CELF2: variants seen among roughly 807,000 people sequenced by gnomAD.
CELF2 encodes CUGBP Elav-like family member 2.
Under a neutral mutation model 62.6 loss-of-function variants are expected in CELF2, and 8 were observed. That is an observed-to-expected ratio of 0.13 (90% CI 0.07 to 0.23). The LOEUF (loss-of-function observed/expected upper bound fraction) is 0.23. Among genes scored for constraint, CELF2 ranks in the 10% least tolerant of loss-of-function variants. CELF2 has a pLI of 1.00. For missense variants in CELF2, 333 were observed against 671.0 expected, an observed-to-expected ratio of 0.50 and a Z score of 5.56; for synonymous variants, 258 against 250.0, an observed-to-expected ratio of 1.03 and a Z score of -0.30.
chr10:10,630,191 G>T, the CELF2 span, among the ~76,000 whole-genome samples: 4 of 152,118 alleles, frequency 2.6e-5, no homozygotes, highest in African/African-American at 4.8e-5. Context: ...GTGTGGCTTT[G>T]TCTGGGGGAA....
chr10:10,809,569 G>A (rs1414474617), intron 1 of CELF2, among the ~76,000 whole-genome samples: 4 of 152,028 alleles, frequency 2.6e-5, no homozygotes, highest in African/African-American at 7.2e-5. Flanking sequence ...TATACCATAC[G>A]ACAATAAGTC....
the CELF2 span, among the ~76,000 whole-genome samples, chr10:10,558,753 T>G: frequency 6.6e-6 from 1 of 152,198 alleles, no homozygotes; most frequent in Non-Finnish European, 1.5e-5. Context: ...TTCTTCGTGG[T>G]TTAGTCTTGG....
chr10:10,697,277 T>G, the CELF2 span, among the ~76,000 whole-genome samples: 1 of 152,130 alleles, frequency 6.6e-6, no homozygotes, highest in East Asian at 1.9e-4. Flanking sequence ...GCAGGATGTT[T>G]GCAATGGGAC....
chr10:10,679,969 A>G, the CELF2 span, among the ~76,000 whole-genome samples: 1 of 152,184 alleles, frequency 6.6e-6, no homozygotes, highest in African/African-American at 2.4e-5. Flanking sequence ...AAATACTGAG[A>G]TATTATAAAT....
chr10:10,788,504 C>G, the CELF2 span, among the ~76,000 whole-genome samples: 163 of 132,786 alleles, frequency 1.2e-3, no homozygotes, highest in African/African-American at 4.2e-3. Flanking sequence ...GCTCTGTCAC[C>G]CAGGCTGGAG....
chr10:10,640,755 G>A, the CELF2 span, among the ~76,000 whole-genome samples: 3 of 152,150 alleles, frequency 2.0e-5, no homozygotes, highest in South Asian at 4.1e-4. Context: ...TTCAAAAAAA[G>A]AACAAAGGAA....
chr10:10,694,551 A>C, the CELF2 span, among the ~76,000 whole-genome samples: 2 of 152,066 alleles, frequency 1.3e-5, no homozygotes, highest in Admixed American at 1.3e-4. Context: ...AGCTGAGTTC[A>C]ATTCCTGGGT....
chr10:11,331,300 T>C lies in CELF2; in HGVS notation c.*2247T>C, dbSNP rs1316399109. Reference sequence around the variant, plus strand: ...CTTAATACAAAAAAAAAAAAAAGAATTTCAAAAAAAAAAGTTGTTTGCTTA... The same window carrying C: ...CTTAATACAAAAAAAAAAAAAAGAACTTCAAAAAAAAAAGTTGTTTGCTTA... On this transcript the variant is annotated 3_prime_UTR_variant, in exon 13 of 13. Coordinates refer to ENST00000633077, the MANE Select transcript of CELF2 (RefSeq NM_001326342.2). 2 of 149,560 alleles carry C rather than the reference T, an allele frequency of 1.3e-5. No homozygotes were observed. The highest frequency in any genetic ancestry group is 3.0e-5 in the Non-Finnish European group (2 of 67,276). 9.3% of individuals were successfully genotyped at this position (149,560 alleles called of 1,614,324 possible).
chr10:10,650,710 T>G, the CELF2 span, among the ~76,000 whole-genome samples: 1 of 152,234 alleles, frequency 6.6e-6, no homozygotes, highest in Non-Finnish European at 1.5e-5. Flanking sequence ...AAGATAGAAC[T>G]GTCATACATT....
intron 1 of CELF2, among the ~76,000 whole-genome samples, chr10:11,109,533 A>G (rs2054552365): frequency 6.6e-6 from 1 of 152,222 alleles, no homozygotes; most frequent in African/African-American, 2.4e-5. Flanking sequence ...AAAGTTAAAG[A>G]GAGATCACAG....
the CELF2 span, among the ~76,000 whole-genome samples, chr10:10,765,004 A>C: frequency 6.6e-6 from 1 of 152,202 alleles, no homozygotes; most frequent in Non-Finnish European, 1.5e-5. Context: ...GGAAAACAGG[A>C]ATGAAAAGAG....
At chr10:11,249,263 G>GT in intron 4 of CELF2, 62 bp downstream of exon 4, 1 of 1,412,150 alleles carries the variant, frequency 7.1e-7, no homozygotes, top group Non-Finnish European at 1.0e-6. Flanking sequence ...TACAAAGTCA[G>GT]TTGGGGGCGG....
chr10:11,304,440 A>G (rs527708404), intron 9 of CELF2, among the ~76,000 whole-genome samples: 1 of 152,230 alleles, frequency 6.6e-6, no homozygotes, highest in Non-Finnish European at 1.5e-5. Flanking sequence ...AATTTATTTT[A>G]AAGAGGAATT....
chr10:10,868,798 C>T (rs1277605282), intron 1 of CELF2, among the ~76,000 whole-genome samples: 2 of 152,182 alleles, frequency 1.3e-5, no homozygotes, highest in Middle Eastern at 3.4e-3. Context: ...CTTTTTTCTA[C>T]GTATATTATA....
chr10:10,870,408 T>C (rs1816600051), intron 1 of CELF2, among the ~76,000 whole-genome samples: 1 of 152,196 alleles, frequency 6.6e-6, no homozygotes, highest in Non-Finnish European at 1.5e-5. Context: ...TTGAAACAAT[T>C]TGGACAGCAG....
the CELF2 span, among the ~76,000 whole-genome samples, chr10:10,737,581 C>T: frequency 7.2e-5 from 11 of 152,206 alleles, no homozygotes; most frequent in Admixed American, 7.2e-4. Flanking sequence ...GGAAAGCCTC[C>T]AGCAAGGGGG....
intron 2 of CELF2, among the ~76,000 whole-genome samples, chr10:10,975,206 C>T (rs955396139): frequency 2.6e-5 from 4 of 152,312 alleles, no homozygotes; most frequent in Admixed American, 2.0e-4. Flanking sequence ...CAGCTTCAAC[C>T]TCCCAGATTC....
At chr10:11,169,451 A>G (rs1393463813) in intron 2 of CELF2, among the ~76,000 whole-genome samples, 1 of 152,260 alleles carries the variant, frequency 6.6e-6, no homozygotes, top group African/African-American at 2.4e-5. Flanking sequence ...GGTGAACATT[A>G]CAAATGGATG....
chr10:10,523,087 G>T, the CELF2 span, among the ~76,000 whole-genome samples: 2 of 152,146 alleles, frequency 1.3e-5, no homozygotes, highest in African/African-American at 4.8e-5. Flanking sequence ...CCTATGGACC[G>T]TCAAATGTGT....
Sources: gnomAD v4.1 joint callset for allele counts (sites outside exome capture counted in the v4.1 genomes callset) on GRCh38, gnomAD v4.1.1 for gene constraint, MANE v1.5 for transcripts, NCBI Gene and HGNC (gene_info 2026-07-23, HGNC 2026-07-21) for gene names.